SEMA4D: variants seen among roughly 807,000 people sequenced by gnomAD.
SEMA4D encodes semaphorin 4D, also known as semaphorin-4D.
Under a neutral mutation model 74.8 loss-of-function variants are expected in SEMA4D, and 22 were observed. The observed-to-expected ratio is 0.29, with a 90% CI of 0.21 to 0.42. SEMA4D has a LOEUF of 0.42. SEMA4D is among the 10% of genes least tolerant of loss of function. SEMA4D has a pLI of 1.00. For missense variants in SEMA4D, 937 were observed against 1,118.4 expected (o/e 0.84, Z 2.31); for synonymous variants, 445 against 463.7 (o/e 0.96, Z 0.52).
At chr9:89,469,302 A>G (rs1182209715) in intron 1 of SEMA4D, among the ~76,000 whole-genome samples, 2 of 152,260 alleles carry the variant, frequency 1.3e-5, no homozygotes, top group Non-Finnish European at 2.9e-5. Context: ...ACCTTCTGAA[A>G]AAGACATCTG....
Position 89,404,327 on chromosome 9 carries a change from G to A in SEMA4D, c.106+1024C>T, listed in dbSNP as rs577837935. The stretch of plus-strand genomic sequence containing the variant: ...CGCCGCGAACATTACTAGGTACGAG[G>A]GAGGGAAGCTTCCTGTCAGGGGTCC... On this transcript the variant is annotated intron_variant, in intron 3 of 15. Coordinates refer to ENST00000422704, the MANE Select transcript of SEMA4D (RefSeq NM_001371194.2). Among the ~76,000 whole-genome samples, 37 of 152,284 alleles carry A rather than the reference G, an allele frequency of 2.4e-4. No individual in the cohort carries two copies. The South Asian group carries it at 7.7e-3, about 32-fold the overall frequency.
intron 2 of SEMA4D, among the ~76,000 whole-genome samples, chr9:89,424,611 C>T (rs374969378): frequency 3.3e-5 from 5 of 152,066 alleles, no homozygotes; most frequent in African/African-American, 9.7e-5. Flanking sequence ...GGACCCTTCT[C>T]GAACCCTACT....
chr9:89,495,258 G>A (rs895053961), intron 1 of SEMA4D, among the ~76,000 whole-genome samples: 1 of 152,108 alleles, frequency 6.6e-6, no homozygotes, highest in Non-Finnish European at 1.5e-5. Context: ...AGGCAAATTC[G>A]CTCAGGGAGG....
intron 2 of SEMA4D, among the ~76,000 whole-genome samples, chr9:89,432,727 G>T (rs527802150): frequency 6.6e-6 from 1 of 152,312 alleles, no homozygotes; most frequent in East Asian, 1.9e-4. Flanking sequence ...AACAAAAATG[G>T]AATACAAGTG....
At chr9:89,421,480 C>A (rs1488366679) in intron 2 of SEMA4D, among the ~76,000 whole-genome samples, 2 of 152,228 alleles carry the variant, frequency 1.3e-5, no homozygotes, top group Non-Finnish European at 2.9e-5. Context: ...ATCCAACAGT[C>A]CTCTACCAAG....
chr9:89,481,737 A>T (rs1824713899), intron 1 of SEMA4D, among the ~76,000 whole-genome samples: 1 of 152,236 alleles, frequency 6.6e-6, no homozygotes, highest in South Asian at 2.1e-4. Context: ...CCCAAGGCAC[A>T]CAGACTCAAG....
chr9:89,413,020 G>T (rs1000248106), intron 2 of SEMA4D, among the ~76,000 whole-genome samples: 1 of 152,186 alleles, frequency 6.6e-6, no homozygotes, highest in African/African-American at 2.4e-5. Flanking sequence ...AACAAAAGGA[G>T]AAAAAGGCCA....
At position 89,378,917 on chromosome 9, in the gene SEMA4D, C is replaced by T. The variant is rs113511187; in HGVS notation, c.2376G>A (p.Thr792=). Residue 792 remains threonine, a synonymous_variant, in exon 16 of 16, where the codon ACG becomes ACA. Transcript: ENST00000422704. ...FCDREQSLKE[T]LVEPGSFSQQ... ...GGGAGAAGCTCCCTGGCTCTACTAACGTCTCCTTCAGGCTCTGCTCACGGT... is the reference window on the plus strand; with the variant it reads ...GGGAGAAGCTCCCTGGCTCTACTAATGTCTCCTTCAGGCTCTGCTCACGGT... 3,777 of 1,614,222 alleles carry T rather than the reference C, an allele frequency of 2.3e-3. 7 individuals carry two copies. The highest frequency in any genetic ancestry group is 5.3e-3 in the Middle Eastern group (32 of 6,062).
chr9:89,414,786 G>A (rs1199274622), intron 2 of SEMA4D, among the ~76,000 whole-genome samples: 7 of 152,154 alleles, frequency 4.6e-5, no homozygotes, highest in Non-Finnish European at 7.3e-5. Context: ...GTGTTGGGCC[G>A]GACTCACCCA....
Position 89,396,765 on chromosome 9 carries a change from T to C in SEMA4D, c.386A>G (p.Asn129Ser), listed in dbSNP as rs780446702. 5 of 1,613,912 alleles carry C rather than the reference T, an allele frequency of 3.1e-6. No individual in the cohort carries two copies. In the East Asian group the frequency reaches 1.1e-4, roughly 36 times the overall value. The change falls in exon 6 of 16, where the codon AAC becomes AGC. Residue 129 changes from asparagine to serine, a missense_variant. Physicochemically the swap from Asn to Ser is conservative, Grantham distance 46. Coordinates refer to ENST00000422704, the MANE Select transcript of SEMA4D (RefSeq NM_001371194.2). ...GTGGTCACAGGCCGGCTGGAATGCG[T>C]TGGTCCCACACACGTAAAGGGAAGT... The part of the protein sequence containing the change: ...SATSLYVCGT[N>S]AFQPACDHLN...
intron 11 of SEMA4D, 76 bp downstream of exon 11, chr9:89,388,560 C>T (rs550333498): frequency 1.3e-6 from 2 of 1,516,594 alleles, no homozygotes; most frequent in African/African-American, 1.4e-5. Flanking sequence ...CATGAGCAGG[C>T]CCCAGTGCCT....
intron 1 of SEMA4D, chr9:89,479,990 T>G (rs1363563293): frequency 1.3e-5 from 2 of 152,266 alleles, no homozygotes; most frequent in Admixed American, 6.5e-5. Context: ...GGGCGCTGAT[T>G]GGTGCGTTTA....
intron 1 of SEMA4D, among the ~76,000 whole-genome samples, chr9:89,464,693 A>G (rs1858211142): frequency 6.6e-6 from 1 of 152,042 alleles, no homozygotes; most frequent in African/African-American, 2.4e-5. Flanking sequence ...GCAGTCACAG[A>G]GGTCAACCAT....
chr9:89,366,245 G>A (rs1207100132), intron 16 of SEMA4D, among the ~76,000 whole-genome samples: 3 of 152,210 alleles, frequency 2.0e-5, no homozygotes, highest in African/African-American at 7.2e-5. Flanking sequence ...GCCCAAAAAT[G>A]GCTGGGATGC....
chr9:89,458,829 CACACGGATACAT>C (rs1363713260), intron 1 of SEMA4D, among the ~76,000 whole-genome samples: 8 of 152,074 alleles, frequency 5.3e-5, no homozygotes, highest in Non-Finnish European at 1.2e-4. Context: ...CACTCATACA[CACACGGATACAT>C]ATGCCCACAT....
intron 5 of SEMA4D, among the ~76,000 whole-genome samples, chr9:89,397,224 A>G (rs77250315): frequency 6.6e-6 from 1 of 152,222 alleles, no homozygotes; most frequent in Non-Finnish European, 1.5e-5. Context: ...AAAAAACTCA[A>G]TGAATGCTTA....
At chr9:89,457,905 C>T (rs1856321893) in intron 1 of SEMA4D, among the ~76,000 whole-genome samples, 1 of 151,740 alleles carries the variant, frequency 6.6e-6, no homozygotes, top group African/African-American at 2.4e-5. Flanking sequence ...TGGTGGTACA[C>T]GCCTGTAGTC....
chr9:89,377,062 G>C (rs1835903787), downstream of SEMA4D: 2 of 1,527,554 alleles, frequency 1.3e-6, no homozygotes, highest in Non-Finnish European at 1.8e-6. Flanking sequence ...CTGTGAGACA[G>C]AGAGGACAGA....
At chr9:89,387,711 C>G in intron 11 of SEMA4D, 103 bp from the exon 12 acceptor site, 1 of 887,658 alleles carries the variant, frequency 1.1e-6, no homozygotes, top group Non-Finnish European at 1.8e-6. Flanking sequence ...AACCTGGAAA[C>G]CACACAATGC....
Sources: allele counts gnomAD v4.1 joint callset (sites outside exome capture counted in the v4.1 genomes callset), GRCh38; gene constraint gnomAD v4.1.1; transcripts MANE v1.5; gene names NCBI Gene and HGNC (gene_info 2026-07-23, HGNC 2026-07-21).